KCNMA1: variants seen among roughly 807,000 people sequenced by gnomAD.
The protein encoded by KCNMA1 is potassium calcium-activated channel subfamily M alpha 1.
Under a neutral mutation model 140.0 loss-of-function variants are expected in KCNMA1, and 29 were observed. That is an observed-to-expected ratio of 0.21 (90% CI 0.15 to 0.28). The LOEUF is 0.28. Ranked by LOEUF, KCNMA1 falls within the 10% of genes least tolerant of loss-of-function variation. KCNMA1 has a pLI of 1.00. For missense variants in KCNMA1, 880 were observed against 1,602.2 expected, an observed-to-expected ratio of 0.55 and a Z score of 7.70; for synonymous variants, 612 against 611.9, an observed-to-expected ratio of 1.00 and a Z score of 0.00.
At chr10:77,418,420 C>G (rs1043408775) in intron 1 of KCNMA1, among the ~76,000 whole-genome samples, 1 of 152,144 alleles carries the variant, frequency 6.6e-6, no homozygotes, top group South Asian at 2.1e-4. Context: ...TCCTTCTACC[C>G]CAGCTTGTCA....
chr10:77,112,038 T>C (rs2616653), intron 7 of KCNMA1, among the ~76,000 whole-genome samples: 10,434 of 152,238 alleles, frequency 0.069, 1,055 homozygotes, highest in East Asian at 0.5. Context: ...CCCAGACCTT[T>C]TCCAGGTGTT....
intron 1 of KCNMA1, among the ~76,000 whole-genome samples, chr10:77,451,395 C>G (rs760348626): frequency 2.0e-5 from 3 of 152,194 alleles, no homozygotes; most frequent in Non-Finnish European, 4.4e-5. Flanking sequence ...CAATGCCCTG[C>G]AGGGGTCACA....
chr10:76,997,326 T>C (rs1040286858), intron 19 of KCNMA1, among the ~76,000 whole-genome samples: 1 of 152,266 alleles, frequency 6.6e-6, no homozygotes, highest in African/African-American at 2.4e-5. Flanking sequence ...TGCAAAAGGC[T>C]GCATGTAATT....
At chr10:77,494,802 T>A (rs2041261889) in intron 1 of KCNMA1, among the ~76,000 whole-genome samples, 2 of 152,200 alleles carry the variant, frequency 1.3e-5, no homozygotes. Flanking sequence ...CATGGAGATG[T>A]CGTTGGGGTC....
At chr10:77,516,058 T>C (rs371903375) in intron 1 of KCNMA1, among the ~76,000 whole-genome samples, 21 of 152,314 alleles carry the variant, frequency 1.4e-4, no homozygotes, top group Admixed American at 1.2e-3. Context: ...CACTGGCCTA[T>C]ACCAGGTGCA....
intron 9 of KCNMA1, among the ~76,000 whole-genome samples, chr10:77,097,385 C>T (rs1289356333): frequency 6.6e-6 from 1 of 152,178 alleles, no homozygotes; most frequent in Non-Finnish European, 1.5e-5. Context: ...TGCCTCATCC[C>T]TCCACCCTAC....
At chr10:77,518,873 C>T (rs910546579) in intron 1 of KCNMA1, among the ~76,000 whole-genome samples, 2 of 152,132 alleles carry the variant, frequency 1.3e-5, no homozygotes, top group African/African-American at 2.4e-5. Context: ...AGTGGGAAGC[C>T]GCCTGCACTG....
chr10:77,425,575 G>A (rs3851037), intron 1 of KCNMA1, among the ~76,000 whole-genome samples: 4,237 of 152,034 alleles, frequency 0.028, 193 homozygotes, highest in African/African-American at 0.096. Context: ...ATCCCACATC[G>A]ACCCCAGAGG....
At chr10:77,447,222 A>C (rs1031978373) in intron 1 of KCNMA1, among the ~76,000 whole-genome samples, 1 of 152,202 alleles carries the variant, frequency 6.6e-6, no homozygotes, top group Non-Finnish European at 1.5e-5. Context: ...TCTCTGTTGG[A>C]TAAATCCACT....
At chr10:77,413,960 C>T (rs1303379417) in intron 1 of KCNMA1, among the ~76,000 whole-genome samples, 5 of 152,214 alleles carry the variant, frequency 3.3e-5, no homozygotes, top group East Asian at 1.9e-4. Context: ...CAGTGCTCCA[C>T]CATTGAGGCA....
intron 1 of KCNMA1, among the ~76,000 whole-genome samples, chr10:77,522,741 A>C (rs2053926573): frequency 6.6e-6 from 1 of 152,214 alleles, no homozygotes; most frequent in African/African-American, 2.4e-5. Context: ...CAAGCTGCCA[A>C]TTCCTCAAGA....
At chr10:77,540,518 A>T (rs895430274) in intron 1 of KCNMA1, among the ~76,000 whole-genome samples, 9 of 152,256 alleles carry the variant, frequency 5.9e-5, no homozygotes, top group Non-Finnish European at 7.3e-5. Context: ...CTCTTTGGGT[A>T]AAAATGGTAA....
At chr10:77,263,955 C>A (rs2062716054) in intron 2 of KCNMA1, among the ~76,000 whole-genome samples, 1 of 152,106 alleles carries the variant, frequency 6.6e-6, no homozygotes, top group Non-Finnish European at 1.5e-5. Context: ...TCCTTCCTGC[C>A]CTCACCTCAG....
intron 19 of KCNMA1, among the ~76,000 whole-genome samples, chr10:76,971,976 T>G (rs542867081): frequency 0.012 from 1,685 of 144,038 alleles, 20 homozygotes; most frequent in African/African-American, 0.03. Context: ...GGTGTGTGGG[T>G]GTGTGTGTGT....
intron 1 of KCNMA1, chr10:77,634,413 G>A (rs2093528525): frequency 2.0e-6 from 2 of 985,308 alleles, no homozygotes; most frequent in Admixed American, 1.2e-4. Context: ...AGAGGCCAAA[G>A]GTACTAATGA....
chr10:77,001,087 A>C lies in KCNMA1; in HGVS notation c.2266+320T>G, dbSNP rs542229040. Among the ~76,000 whole-genome samples the C allele has an allele frequency of 2.6e-5, 4 of 152,034 alleles. No homozygotes were observed. In the East Asian group the frequency reaches 7.8e-4, roughly 30 times the overall value. ...GTACACTTCTGCATATCTCTGTATT[A>C]ATACAGTAGGTGATATGCTGTCACT... is the stretch of plus-strand genomic sequence containing the variant. On this transcript the variant is annotated intron_variant, in intron 19 of 27. Coordinates refer to ENST00000286628, the MANE Select transcript of KCNMA1 (RefSeq NM_001161352.2).
intron 3 of KCNMA1, among the ~76,000 whole-genome samples, chr10:77,244,028 C>T (rs1312361807): frequency 2.0e-5 from 3 of 152,140 alleles, no homozygotes; most frequent in Admixed American, 6.5e-5. Context: ...TGATAAGGGC[C>T]TAGAAGTCCA....
At chr10:77,174,434 G>A (rs553738579) in intron 5 of KCNMA1, among the ~76,000 whole-genome samples, 4 of 152,158 alleles carry the variant, frequency 2.6e-5, no homozygotes, top group East Asian at 1.9e-4. Context: ...CTAGAGCAGC[G>A]TGGTCCCACA....
chr10:76,931,994 AT>A (rs1268814693), intron 23 of KCNMA1, among the ~76,000 whole-genome samples: 1 of 152,182 alleles, frequency 6.6e-6, no homozygotes, highest in Non-Finnish European at 1.5e-5. Context: ...AAATAGTAAA[AT>A]TGTAATAATA....
Sources: allele counts gnomAD v4.1 joint callset (sites outside exome capture counted in the v4.1 genomes callset), GRCh38; gene constraint gnomAD v4.1.1; transcripts MANE v1.5; gene names NCBI Gene and HGNC (gene_info 2026-07-23, HGNC 2026-07-21).